Variants in RIT2 observed in about 807,000 individuals in gnomAD.
RIT2 encodes GTP-binding protein Rit2.
Under a neutral mutation model 23.7 loss-of-function variants are expected in RIT2, and 24 were observed. That is an observed-to-expected ratio of 1.01 (90% CI 0.73 to 1.43). The LOEUF is 1.43. Ranked by LOEUF, RIT2 falls within the 40% of genes most tolerant of loss-of-function variation. RIT2 has a pLI of 0.00. For missense variants in RIT2, 236 were observed against 266.9 expected (o/e 0.88, Z 0.81); for synonymous variants, 107 against 91.1 (o/e 1.17, Z -0.99).
intron 1 of RIT2, among the ~76,000 whole-genome samples, chr18:43,095,049 T>C (rs1233890740): frequency 6.6e-6 from 1 of 152,156 alleles, no homozygotes; most frequent in Non-Finnish European, 1.5e-5. Context: ...TATAGTAGCA[T>C]GATTTACAAT....
At chr18:43,032,571 G>A (rs1911881587) in intron 2 of RIT2, among the ~76,000 whole-genome samples, 1 of 151,980 alleles carries the variant, frequency 6.6e-6, no homozygotes, top group Non-Finnish European at 1.5e-5. Flanking sequence ...TGGACTTAGA[G>A]AATTACCAAG....
chr18:42,849,022 G>A (rs1906980359), intron 4 of RIT2, among the ~76,000 whole-genome samples: 2 of 152,078 alleles, frequency 1.3e-5, no homozygotes, highest in Non-Finnish European at 1.5e-5. Flanking sequence ...ATATGTGTTA[G>A]CTTATTTAAT....
chr18:43,040,407 TC>T, intron 1 of RIT2, among the ~76,000 whole-genome samples: 1 of 152,334 alleles, frequency 6.6e-6, no homozygotes, highest in Non-Finnish European at 1.5e-5. Context: ...CAATTATTTT[TC>T]ACTTATGTCA....
intron 1 of RIT2, among the ~76,000 whole-genome samples, chr18:43,057,798 C>CTTTTTTTTTTTTTTCTTT (rs1912542548): frequency 8.2e-6 from 1 of 122,674 alleles, no homozygotes; most frequent in African/African-American, 3.0e-5. Flanking sequence ...GTGATGGACA[C>CTTTTTTTTTTTTTTCTTT]TTTTTTTTTT....
intron 3 of RIT2, among the ~76,000 whole-genome samples, chr18:42,967,810 C>T (rs1452017906): frequency 1.3e-5 from 2 of 151,534 alleles, no homozygotes; most frequent in East Asian, 1.9e-4. Flanking sequence ...TACCTAGCTG[C>T]TTGCCTTTAG....
At chr18:42,801,449 C>G (rs1675885828) in intron 4 of RIT2, among the ~76,000 whole-genome samples, 1 of 152,158 alleles carries the variant, frequency 6.6e-6, no homozygotes, top group South Asian at 2.1e-4. Context: ...ACTGGAAATA[C>G]CCTGGGAATA....
chr18:42,922,730 G>C (rs150254651), intron 4 of RIT2, among the ~76,000 whole-genome samples: 1 of 152,076 alleles, frequency 6.6e-6, no homozygotes, highest in East Asian at 1.9e-4. Flanking sequence ...TGTAAGTTAC[G>C]GTAATGGATC....
chr18:42,994,359 G>A lies in RIT2; in HGVS notation c.161-20212C>T, dbSNP rs1477578685. On this transcript the variant is annotated intron_variant, in intron 2 of 4. Coordinates refer to ENST00000326695, the MANE Select transcript of RIT2 (RefSeq NM_002930.4). ...CATGCTCTCCCTGCCGATCGTGTCCGACTGATCTCTCAAACGTCAACCCCT... is the reference window on the plus strand; with the variant it reads ...CATGCTCTCCCTGCCGATCGTGTCCAACTGATCTCTCAAACGTCAACCCCT... Among the ~76,000 whole-genome samples the A allele has an allele frequency of 5.9e-5, 9 of 152,178 alleles. No homozygotes were observed. In the South Asian group the frequency reaches 8.3e-4, roughly 14 times the overall value.
intron 3 of RIT2, among the ~76,000 whole-genome samples, chr18:42,963,029 A>T (rs1173438505): frequency 6.6e-6 from 1 of 152,152 alleles, no homozygotes; most frequent in Non-Finnish European, 1.5e-5. Context: ...CATGCTATTT[A>T]CCTATCCATG....
At chr18:43,066,586 A>G (rs181231948) in intron 1 of RIT2, among the ~76,000 whole-genome samples, 8 of 152,302 alleles carry the variant, frequency 5.3e-5, no homozygotes. Context: ...AACAAAGATA[A>G]GCACATGGTT....
rs145881849 is a variant in RIT2, at chr18:43,105,310, G to A, written c.103+10107C>T. Among the ~76,000 whole-genome samples, 516 of 152,096 alleles carry A rather than the reference G, an allele frequency of 3.4e-3. 3 individuals are homozygous for A. Among genetic ancestry groups the A allele is most frequent in the African/African-American group, 0.012 (488 of 41,478 alleles). On this transcript the variant is annotated intron_variant, in intron 1 of 4. Transcript: ENST00000326695. ...GAGAGCAAGAACAAGAATAGAGCAG[G>A]TGCATATACAATGGCAGTTTTACAA... is the stretch of plus-strand genomic sequence containing the variant.
intron 2 of RIT2, among the ~76,000 whole-genome samples, chr18:42,986,065 G>A (rs1403780842): frequency 2.0e-5 from 3 of 148,958 alleles, no homozygotes; most frequent in African/African-American, 7.4e-5. Flanking sequence ...TTTAGATGGA[G>A]TGTGGCTCTC....
chr18:43,079,986 G>A (rs916228081), intron 1 of RIT2, among the ~76,000 whole-genome samples: 1 of 152,106 alleles, frequency 6.6e-6, no homozygotes, highest in African/African-American at 2.4e-5. Flanking sequence ...ATTAAATACT[G>A]GTTTTATTAA....
intron 4 of RIT2, among the ~76,000 whole-genome samples, chr18:42,897,393 G>A (rs1026999472): frequency 2.0e-5 from 3 of 152,086 alleles, no homozygotes; most frequent in Non-Finnish European, 4.4e-5. Flanking sequence ...TAGGAAGAAC[G>A]GTGATGGTAA....
intron 4 of RIT2, among the ~76,000 whole-genome samples, chr18:42,753,619 C>T (rs1913096870): frequency 6.6e-6 from 1 of 152,114 alleles, no homozygotes; most frequent in Non-Finnish European, 1.5e-5. Context: ...TTTCATTATG[C>T]AGTCTACATC....
chr18:42,770,020 G>GT (rs938188993), intron 4 of RIT2, among the ~76,000 whole-genome samples: 321 of 148,602 alleles, frequency 2.2e-3, no homozygotes, highest in Middle Eastern at 6.9e-3. Flanking sequence ...GAGATTCCTA[G>GT]TTTTTTTTTT....
chr18:42,814,341 GC>G (rs1905934677), intron 4 of RIT2, among the ~76,000 whole-genome samples: 1 of 152,086 alleles, frequency 6.6e-6, no homozygotes, highest in Non-Finnish European at 1.5e-5. Flanking sequence ...AGCCCTACTC[GC>G]CCACTGCCTG....
At chr18:42,807,791 A>ATGTGTGTGTGTG (rs10551770) in intron 4 of RIT2, among the ~76,000 whole-genome samples, 10 of 147,496 alleles carry the variant, frequency 6.8e-5, no homozygotes, top group African/African-American at 2.5e-4. Context: ...CACAAAGTGA[A>ATGTGTGTGTGTG]TGTGTGTGTG....
chr18:43,057,798 CT>C (rs11393575), intron 1 of RIT2, among the ~76,000 whole-genome samples: 6,117 of 122,586 alleles, frequency 0.05, 357 homozygotes, highest in African/African-American at 0.099. Flanking sequence ...GTGATGGACA[CT>C]TTTTTTTTTT....
Sources: allele counts gnomAD v4.1 joint callset (sites outside exome capture counted in the v4.1 genomes callset), GRCh38; gene constraint gnomAD v4.1.1; transcripts MANE v1.5; gene names NCBI Gene and HGNC (gene_info 2026-07-23, HGNC 2026-07-21).